The following CAPZA2 variants were observed in gnomAD, a reference collection of about 807,000 sequenced individuals.
CAPZA2 encodes the protein capping actin protein of muscle Z-line subunit alpha 2, also known as F-actin-capping protein subunit alpha-2.
In CAPZA2, 13 loss-of-function variants were observed where a neutral mutation model predicts 44.0. That is an observed-to-expected ratio of 0.30 (90% CI 0.19 to 0.47). The LOEUF (loss-of-function observed/expected upper bound fraction) is 0.47, where lower values mean the gene tolerates loss of function less well. CAPZA2 is among the 20% of genes least tolerant of loss of function. CAPZA2 has a pLI of 1.00. For missense variants in CAPZA2, 244 were observed against 338.6 expected (o/e 0.72, Z 2.19); for synonymous variants, 94 against 108.2 (o/e 0.87, Z 0.81).
intron 1 of CAPZA2, among the ~76,000 whole-genome samples, chr7:116,878,978 T>G (rs546521664): frequency 6.6e-6 from 1 of 151,718 alleles, no homozygotes; most frequent in African/African-American, 2.4e-5. Flanking sequence ...ATACAAAAAT[T>G]AGCCGGGCAT....
chr7:116,868,235 C>T (rs1796507455), intron 1 of CAPZA2, among the ~76,000 whole-genome samples: 1 of 152,126 alleles, frequency 6.6e-6, no homozygotes, highest in Non-Finnish European at 1.5e-5. Flanking sequence ...TATTTGCTTA[C>T]CGTTTTTTCC....
intron 8 of CAPZA2, chr7:116,915,361 G>A (rs1426888755): frequency 2.0e-5 from 3 of 151,964 alleles, no homozygotes; most frequent in South Asian, 4.2e-4. Context: ...CAGAGGGTAC[G>A]GTTTTGAGAG....
At chr7:116,917,691 GCTTTA>G in intron 9 of CAPZA2, 31 bp from the exon 10 acceptor site, 1 of 1,473,304 alleles carries the variant, frequency 6.8e-7, no homozygotes, top group Non-Finnish European at 9.5e-7. Flanking sequence ...TCTGTTCTTT[GCTTTA>G]CTTTAAACTT....
At chr7:116,898,666 T>G in intron 3 of CAPZA2, 106 bp from the exon 4 acceptor site, 1 of 589,916 alleles carries the variant, frequency 1.7e-6, no homozygotes, top group Non-Finnish European at 2.9e-6. Flanking sequence ...TATTTTGCAG[T>G]GTGCAATGTA....
chr7:116,918,675 T>C lies in CAPZA2; in HGVS notation c.*808T>C, dbSNP rs1476838099. The C allele has an allele frequency of 6.6e-6, 1 of 152,424 alleles. No individual in the cohort carries two copies. Among genetic ancestry groups the C allele is most frequent in the African/African-American group, 2.4e-5 (1 of 41,436 alleles). 9.4% of individuals were successfully genotyped at this position (152,424 alleles called of 1,614,324 possible). A position where few individuals can be genotyped will look rare whatever the true frequency, so the allele number is the denominator to read the frequency against. On this transcript the variant is annotated 3_prime_UTR_variant, in exon 10 of 10. Coordinates refer to ENST00000361183, the MANE Select transcript of CAPZA2 (RefSeq NM_006136.3). Reference sequence around the variant, plus strand: ...TGACCATGTCTCGGTTTATTTTTTTTTTCTTGGATTGAAAAGTACTGAAAT... The same window carrying C: ...TGACCATGTCTCGGTTTATTTTTTTCTTCTTGGATTGAAAAGTACTGAAAT...
intron 2 of CAPZA2, among the ~76,000 whole-genome samples, chr7:116,890,770 T>C: frequency 1.8e-5 from 1 of 54,198 alleles, no homozygotes; most frequent in Non-Finnish European, 3.4e-5. Context: ...AGAGTGAGAC[T>C]CTGTCTCAAA....
chr7:116,919,418 G>C lies in CAPZA2; in HGVS notation c.*1551G>C, dbSNP rs1791732920. On this transcript the variant is annotated 3_prime_UTR_variant, in exon 10 of 10. Coordinates refer to ENST00000361183, the MANE Select transcript of CAPZA2 (RefSeq NM_006136.3). The stretch of plus-strand genomic sequence containing the variant: ...GGTGAACTAAATACTAGATCTAATT[G>C]ACAAGCTTAGTTGTATCAGTTAGGC... The C allele has an allele frequency of 6.6e-6, 1 of 151,914 alleles. No individual in the cohort carries two copies. Among genetic ancestry groups the C allele is most frequent in the South Asian group, 2.1e-4 (1 of 4,788 alleles). 9.4% of individuals were successfully genotyped at this position (151,914 alleles called of 1,614,324 possible).
chr7:116,901,444 T>C (rs1460229761), intron 4 of CAPZA2, among the ~76,000 whole-genome samples: 5 of 152,076 alleles, frequency 3.3e-5, no homozygotes, highest in Middle Eastern at 3.2e-3. Context: ...TTCTCACTTA[T>C]TAGTGGGAGA....
At chr7:116,913,847 C>T (rs1052162000) in intron 8 of CAPZA2, among the ~76,000 whole-genome samples, 2 of 143,488 alleles carry the variant, frequency 1.4e-5, no homozygotes, top group Non-Finnish European at 3.0e-5. Context: ...CTCCTGGACT[C>T]ATGCAGTTTA....
At chr7:116,914,025 A>ATTTT (rs71148344) in intron 8 of CAPZA2, among the ~76,000 whole-genome samples, 3 of 131,948 alleles carry the variant, frequency 2.3e-5, no homozygotes, top group African/African-American at 8.2e-5. Flanking sequence ...ATTAAAGAAA[A>ATTTT]TTTTTTTTTT....
intron 1 of CAPZA2, among the ~76,000 whole-genome samples, chr7:116,882,268 A>G (rs1796711981): frequency 6.6e-6 from 1 of 152,176 alleles, no homozygotes. Flanking sequence ...TGCTAGAATT[A>G]CTGTGGTGGT....
Position 116,901,824 on chromosome 7 carries a change from G to C in CAPZA2, c.220-2353G>C, listed in dbSNP as rs549359301. 1.5e-4 allele frequency among the ~76,000 whole-genome samples: 22 copies of C among 148,080 alleles called. No homozygotes were observed. In the South Asian group the frequency reaches 4.7e-3, roughly 32 times the overall value. ...ATCCTGATCAGTTTTTTTTTAATTG[G>C]TCAATATTTTCATAAAGTTTATGTG... On this transcript the variant is annotated intron_variant, in intron 4 of 9. Transcript: ENST00000361183.
chr7:116,872,739 GCA>G (rs1219391894), intron 1 of CAPZA2, among the ~76,000 whole-genome samples: 1 of 152,234 alleles, frequency 6.6e-6, no homozygotes, highest in African/African-American at 2.4e-5. Flanking sequence ...GTGGAAAAGT[GCA>G]TAGTGGCTCC....
chr7:116,902,146 T>G (rs1188343318), intron 4 of CAPZA2, among the ~76,000 whole-genome samples: 2 of 152,048 alleles, frequency 1.3e-5, no homozygotes, highest in Admixed American at 6.6e-5. Context: ...AGAAGAAAAT[T>G]AAGTTGGACC....
intron 1 of CAPZA2, among the ~76,000 whole-genome samples, chr7:116,885,191 T>C: frequency 6.6e-6 from 1 of 152,208 alleles, no homozygotes; most frequent in East Asian, 1.9e-4. Flanking sequence ...CTTTTCATTC[T>C]CTTAACAGAA....
intron 1 of CAPZA2, among the ~76,000 whole-genome samples, chr7:116,871,403 G>A (rs920799439): frequency 6.6e-6 from 1 of 152,210 alleles, no homozygotes; most frequent in Non-Finnish European, 1.5e-5. Context: ...CTCTATGCCA[G>A]GGACTTTAAC....
At chr7:116,907,725 C>G (rs1049990275) in intron 6 of CAPZA2, among the ~76,000 whole-genome samples, 2 of 152,104 alleles carry the variant, frequency 1.3e-5, no homozygotes, top group African/African-American at 4.8e-5. Flanking sequence ...AAGTGATCCT[C>G]CTGCCTCCGG....
chr7:116,872,193 T>C (rs934625929), intron 1 of CAPZA2, among the ~76,000 whole-genome samples: 1 of 152,210 alleles, frequency 6.6e-6, no homozygotes, highest in African/African-American at 2.4e-5. Flanking sequence ...TGTTTTTTCC[T>C]GCTATTTCAT....
At chr7:116,904,820 A>G (rs992738832) in intron 5 of CAPZA2, 7 of 155,424 alleles carry the variant, frequency 4.5e-5, no homozygotes, top group African/African-American at 1.4e-4. Context: ...CGTAGGTTCA[A>G]CCTATTTTTA....
Sources: gnomAD v4.1 joint callset for allele counts (sites outside exome capture counted in the v4.1 genomes callset) on GRCh38, gnomAD v4.1.1 for gene constraint, MANE v1.5 for transcripts, NCBI Gene and HGNC (gene_info 2026-07-23, HGNC 2026-07-21) for gene names.